EXOC4: variants seen among roughly 807,000 people sequenced by gnomAD.
EXOC4 encodes the protein exocyst complex component 4.
In EXOC4, 71 loss-of-function variants were observed where a neutral mutation model predicts 107.2. The observed-to-expected ratio is 0.66, with a 90% CI of 0.55 to 0.81. The LOEUF is 0.81. Among genes scored for constraint, EXOC4 ranks in the 30% least tolerant of loss-of-function variants. EXOC4 has a pLI of 0.00. For synonymous variants in EXOC4, 456 were observed against 441.2 expected, an observed-to-expected ratio of 1.03 and a Z score of -0.42; for missense variants, 1,108 against 1,189.6, an observed-to-expected ratio of 0.93 and a Z score of 1.01.
chr7:133,734,814 C>T (rs1795402966), intron 10 of EXOC4, among the ~76,000 whole-genome samples: 1 of 151,912 alleles, frequency 6.6e-6, no homozygotes, highest in Non-Finnish European at 1.5e-5. Flanking sequence ...CTTCTGATCC[C>T]AAGCGTTTTG....
intron 14 of EXOC4, among the ~76,000 whole-genome samples, chr7:133,940,313 C>A (rs149865157): frequency 1.3e-5 from 2 of 152,330 alleles, no homozygotes; most frequent in East Asian, 3.9e-4. Flanking sequence ...CTGTTGTGTT[C>A]ATGTCACTGA....
At chr7:133,472,840 T>A (rs777405953) in intron 7 of EXOC4, among the ~76,000 whole-genome samples, 22 of 152,084 alleles carry the variant, frequency 1.4e-4, no homozygotes, top group Non-Finnish European at 2.8e-4. Context: ...TTAAGGGGAC[T>A]TTACTGATGA....
Position 133,968,912 on chromosome 7 carries a change from C to T in EXOC4, c.2207-28580C>T, listed in dbSNP as rs577721714. ...CTCTTGCTAGGCTGGGGAAGTTCTC[C>T]TGAATAATATCCTGAAGAGTGTTTT... On this transcript the variant is annotated intron_variant, in intron 14 of 17. Coordinates refer to ENST00000253861, the MANE Select transcript of EXOC4 (RefSeq NM_021807.4). 1.1e-4 allele frequency among the ~76,000 whole-genome samples: 16 copies of T among 152,294 alleles called. No homozygotes were observed. The East Asian group carries it at 2.9e-3, about 28-fold the overall frequency.
At chr7:133,374,645 A>G (rs1022638198) in intron 6 of EXOC4, among the ~76,000 whole-genome samples, 183 bp from the exon 7 acceptor site, 5 of 152,192 alleles carry the variant, frequency 3.3e-5, no homozygotes, top group African/African-American at 1.2e-4. Context: ...TGAGGCTTAG[A>G]TAAGTTTTTA....
intron 11 of EXOC4, among the ~76,000 whole-genome samples, chr7:133,871,909 A>G (rs1798758917): frequency 6.6e-6 from 1 of 152,266 alleles, no homozygotes; most frequent in Non-Finnish European, 1.5e-5. Flanking sequence ...TGGGTGGCTT[A>G]TAGTAAGCAA....
chr7:133,770,323 TGG>T (rs1309355163), intron 10 of EXOC4, among the ~76,000 whole-genome samples: 30 of 151,940 alleles, frequency 2.0e-4, no homozygotes, highest in African/African-American at 7.2e-4. Flanking sequence ...CTAACAGTCC[TGG>T]ATTCATACCC....
chr7:133,510,065 C>T (rs1216045828), intron 9 of EXOC4, among the ~76,000 whole-genome samples: 2 of 152,164 alleles, frequency 1.3e-5, no homozygotes, highest in East Asian at 3.8e-4. Context: ...GGTTTACAAA[C>T]ATTACCGTGA....
At chr7:133,669,257 G>C (rs1793892355) in intron 10 of EXOC4, among the ~76,000 whole-genome samples, 1 of 152,032 alleles carries the variant, frequency 6.6e-6, no homozygotes, top group African/African-American at 2.4e-5. Flanking sequence ...GAGAGGAGGA[G>C]CCGCGGGATG....
chr7:134,066,746 G>C (rs1796182654), downstream of EXOC4, among the ~76,000 whole-genome samples: 1 of 152,110 alleles, frequency 6.6e-6, no homozygotes, highest in Non-Finnish European at 1.5e-5. Flanking sequence ...TGACCAACCA[G>C]AAAGTGCTAG....
intron 7 of EXOC4, among the ~76,000 whole-genome samples, chr7:133,446,642 CTT>C (rs1798226993): frequency 6.6e-6 from 1 of 152,160 alleles, no homozygotes; most frequent in South Asian, 2.1e-4. Context: ...GAAAACGTAA[CTT>C]TAGATTTTGT....
At chr7:134,050,881 G>C (rs915508153) in intron 17 of EXOC4, among the ~76,000 whole-genome samples, 1 of 152,082 alleles carries the variant, frequency 6.6e-6, no homozygotes, top group African/African-American at 2.4e-5. Flanking sequence ...AGAACTGGGG[G>C]TTAGTCTAGG....
intron 5 of EXOC4, among the ~76,000 whole-genome samples, chr7:133,353,892 T>A (rs2150652350): frequency 6.6e-6 from 1 of 152,190 alleles, no homozygotes; most frequent in South Asian, 2.1e-4. Flanking sequence ...CCTGCTCACA[T>A]CTGCCTTTGA....
At chr7:134,001,372 A>T (rs927081888) in intron 15 of EXOC4, among the ~76,000 whole-genome samples, 1 of 152,152 alleles carries the variant, frequency 6.6e-6, no homozygotes, top group Non-Finnish European at 1.5e-5. Context: ...AGAATACGTT[A>T]ATGTCAAAGT....
chr7:133,962,091 A>C (rs1029472852), intron 14 of EXOC4, among the ~76,000 whole-genome samples: 5 of 152,202 alleles, frequency 3.3e-5, no homozygotes, highest in African/African-American at 1.2e-4. Context: ...ATGAATGAGA[A>C]AACCGAGCCA....
At chr7:133,749,326 T>C (rs1207334350) in intron 10 of EXOC4, among the ~76,000 whole-genome samples, 1 of 152,148 alleles carries the variant, frequency 6.6e-6, no homozygotes, top group African/African-American at 2.4e-5. Flanking sequence ...TCCTGATGGA[T>C]GGTGGCCCAT....
chr7:133,495,501 A>C (rs991297862), intron 9 of EXOC4, among the ~76,000 whole-genome samples: 3 of 152,134 alleles, frequency 2.0e-5, no homozygotes, highest in African/African-American at 7.2e-5. Context: ...AAGATTTCCT[A>C]TGCTTCTTAA....
intron 7 of EXOC4, among the ~76,000 whole-genome samples, chr7:133,384,655 T>A (rs1162851607): frequency 2.0e-5 from 3 of 151,868 alleles, no homozygotes; most frequent in Admixed American, 2.0e-4. Context: ...GACATATTGC[T>A]CTTGCCTACT....
chr7:133,415,522 T>C (rs62472376), intron 7 of EXOC4, among the ~76,000 whole-genome samples: 21,074 of 152,172 alleles, frequency 0.14, 1,968 homozygotes, highest in Non-Finnish European at 0.2. Flanking sequence ...CTAATGATGT[T>C]GATCATCTTT....
intron 9 of EXOC4, chr7:133,576,464 T>C: frequency 7.9e-7 from 1 of 1,265,588 alleles, no homozygotes; most frequent in Non-Finnish European, 1.0e-6. Flanking sequence ...TTAACCCATT[T>C]ATAGAGGGCA....
Sources: allele counts gnomAD v4.1 joint callset (sites outside exome capture counted in the v4.1 genomes callset), GRCh38; gene constraint gnomAD v4.1.1; transcripts MANE v1.5; gene names NCBI Gene and HGNC (gene_info 2026-07-23, HGNC 2026-07-21).